TLE2: variants seen among roughly 807,000 people sequenced by gnomAD.
TLE2 encodes transducin-like enhancer protein 2.
In TLE2, 74 loss-of-function variants were observed where a neutral mutation model predicts 97.2. The ratio of observed to expected loss-of-function variants is 0.76; its 90% CI spans 0.63 to 0.92. The LOEUF (loss-of-function observed/expected upper bound fraction) is 0.92, where lower values mean the gene tolerates loss of function less well. TLE2 is among the 40% of genes least tolerant of loss of function. The pLI is 0.00. For synonymous variants in TLE2, 499 were observed against 432.1 expected, an observed-to-expected ratio of 1.15 and a Z score of -1.92; for missense variants, 1,038 against 1,008.7, an observed-to-expected ratio of 1.03 and a Z score of -0.39.
chr19:3,019,664 C>A lies in TLE2; in HGVS notation c.369+35G>T, dbSNP rs1030693125. On this transcript the variant is annotated intron_variant, in intron 6 of 19. Transcript: ENST00000262953. This position sits in a 1 kb window ranked among gnomAD's most constrained non-coding sequence, Gnocchi z 5.1. ...GTGCCAGGGACCTGGGAGTGGGCGTCTCCCCATGGCGGGGCAGGGGCTAGA... is the reference window on the plus strand; with the variant it reads ...GTGCCAGGGACCTGGGAGTGGGCGTATCCCCATGGCGGGGCAGGGGCTAGA... 4 of 1,598,208 alleles carry A rather than the reference C, an allele frequency of 2.5e-6. No individual in the cohort carries two copies. The highest frequency in any genetic ancestry group is 8.5e-7 in the Non-Finnish European group (1 of 1,172,592).
chr19:3,019,828 C>T lies in TLE2; in HGVS notation c.295-55G>A, dbSNP rs1172336162. On this transcript the variant is annotated intron_variant, in intron 5 of 19. Transcript: ENST00000262953. The surrounding 1 kb of genome is among the most constrained non-coding windows in gnomAD (Gnocchi z 5.1). ...TACATTGAGCCCCTGCTCATGCTAG[C>T]GGTGCCCTTGGGGACCTGACCTCTC... 7.0e-6 allele frequency: 11 copies of T among 1,572,368 alleles called. No individual in the cohort carries two copies. The East Asian group carries it at 1.2e-4, about 17-fold the overall frequency.
chr19:3,035,330 G>A (rs764008642), intron 1 of TLE2, among the ~76,000 whole-genome samples: 1 of 152,124 alleles, frequency 6.6e-6, no homozygotes, highest in Non-Finnish European at 1.5e-5. Flanking sequence ...GTGTTCCAAC[G>A]TGGGTAGAGT....
At chr19:3,021,535 A>G (rs1384094733) in intron 5 of TLE2, among the ~76,000 whole-genome samples, 2 of 152,230 alleles carry the variant, frequency 1.3e-5, no homozygotes, top group Admixed American at 6.5e-5. Context: ...ATTTTATTAA[A>G]TTTAAGTGAA....
intron 14 of TLE2, among the ~76,000 whole-genome samples, 154 bp from the exon 15 acceptor site, chr19:3,006,823 C>A (rs1235264801): frequency 1.3e-5 from 2 of 152,014 alleles, no homozygotes; most frequent in African/African-American, 4.8e-5. Flanking sequence ...CGCCGTGTCG[C>A]CCAGGCTGGA....
At chr19:3,002,299 C>T in intron 18 of TLE2, 54 bp downstream of exon 18, 2 of 1,555,556 alleles carry the variant, frequency 1.3e-6, no homozygotes, top group Non-Finnish European at 1.7e-6. Context: ...TGAATAGGCA[C>T]CCTGGGTTTT....
intron 1 of TLE2, among the ~76,000 whole-genome samples, chr19:3,042,623 C>T (rs1307737139): frequency 1.3e-5 from 2 of 151,324 alleles, no homozygotes; most frequent in Middle Eastern, 3.4e-3. Flanking sequence ...CAGAGACCCC[C>T]GAGACAGAGG....
chr19:3,018,578 C>A (rs1466331568), intron 7 of TLE2, among the ~76,000 whole-genome samples: 1 of 151,800 alleles, frequency 6.6e-6, no homozygotes, highest in African/African-American at 2.4e-5. Flanking sequence ...CAGGCGTGAA[C>A]CACCGTGCCT....
At chr19:3,000,824 CTTTTTT>C (rs4061734) in intron 18 of TLE2, 101 bp from the exon 19 acceptor site, 15 of 505,332 alleles carry the variant, frequency 3.0e-5, no homozygotes, top group Middle Eastern at 5.3e-4. Context: ...TGGCCTCTCC[CTTTTTT>C]TTTTTTTTTT....
chr19:3,032,092 A>G (rs2090029454), upstream of TLE2, among the ~76,000 whole-genome samples: 1 of 151,154 alleles, frequency 6.6e-6, no homozygotes, highest in Admixed American at 6.6e-5. This position sits in a 1 kb window ranked among gnomAD's most constrained non-coding sequence, Gnocchi z 4.1. Flanking sequence ...CGCCATGCCC[A>G]GCTAATTTTT....
chr19:3,018,345 T>A (rs1476998292), intron 7 of TLE2, among the ~76,000 whole-genome samples: 1 of 152,090 alleles, frequency 6.6e-6, no homozygotes, highest in Non-Finnish European at 1.5e-5. Context: ...TCTCACTCTG[T>A]CGCCCAGGCT....
At chr19:3,018,344 G>A (rs1170004379) in intron 7 of TLE2, among the ~76,000 whole-genome samples, 1 of 151,874 alleles carries the variant, frequency 6.6e-6, no homozygotes, top group Non-Finnish European at 1.5e-5. Context: ...GTCTCACTCT[G>A]TCGCCCAGGC....
At chr19:3,025,345 C>A in intron 4 of TLE2, 4 of 1,247,722 alleles carry the variant, frequency 3.2e-6, no homozygotes, top group Non-Finnish European at 3.0e-6. Flanking sequence ...ACAGATACAC[C>A]ACCCGCCAGA....
At chr19:3,028,610 A>G (rs966001230) in intron 2 of TLE2, 96 bp downstream of exon 2, 1 of 1,426,636 alleles carries the variant, frequency 7.0e-7, no homozygotes, top group African/African-American at 1.4e-5. Context: ...CCCCCCTCCA[A>G]CCGGGAGCCC....
At chr19:3,023,283 G>A (rs553938482) in intron 5 of TLE2, among the ~76,000 whole-genome samples, 47 of 152,218 alleles carry the variant, frequency 3.1e-4, no homozygotes, top group Admixed American at 1.2e-3. Context: ...TGACCCGCAC[G>A]CCTTGGCCTC....
Position 3,013,664 on chromosome 19 carries a change from C to T in TLE2, c.873+5G>A. Reference sequence around the variant, plus strand: ...TGAGTTTCAAGGCCCTCCCCTCCTCCTTACCAGGATGAGCTCCTTGGCTCT... The same window carrying T: ...TGAGTTTCAAGGCCCTCCCCTCCTCTTTACCAGGATGAGCTCCTTGGCTCT... On this transcript the variant is annotated splice_donor_5th_base_variant and intron_variant, in intron 11 of 19. Coordinates refer to ENST00000262953, the MANE Select transcript of TLE2 (RefSeq NM_003260.5). 2.9e-6 allele frequency: 4 copies of T among 1,374,478 alleles called. No homozygotes were observed. The South Asian group carries it at 8.3e-5, about 29-fold the overall frequency. 85.1% of individuals were successfully genotyped at this position (1,374,478 alleles called of 1,614,324 possible).
rs1164517491 is a variant in TLE2, at chr19:3,019,981, G to A, written c.295-208C>T. On this transcript the variant is annotated intron_variant, in intron 5 of 19. Coordinates refer to ENST00000262953, the MANE Select transcript of TLE2 (RefSeq NM_003260.5). This position sits in a 1 kb window ranked among gnomAD's most constrained non-coding sequence, Gnocchi z 5.1. ...GAGAAAGAAACCAAACCTAAGTGCA[G>A]GTAGAATAGTTACAAATCAGGCCGG... 1 of 683,056 alleles carries A rather than the reference G, an allele frequency of 1.5e-6. No homozygotes were observed. The highest frequency in any genetic ancestry group is 2.8e-5 in the East Asian group (1 of 35,714). 42.3% of individuals were successfully genotyped at this position (683,056 alleles called of 1,614,324 possible). A position where few individuals can be genotyped will look rare whatever the true frequency, so the allele number is the denominator to read the frequency against.
At chr19:3,029,377 G>T (rs1289828328), upstream of TLE2, among the ~76,000 whole-genome samples, 3 of 138,962 alleles carry the variant, frequency 2.2e-5, no homozygotes, top group East Asian at 6.6e-4. Context: ...CCCTCCCCGC[G>T]CCCGCGCCCC....
At chr19:3,035,885 G>A (rs2090058721) in intron 1 of TLE2, among the ~76,000 whole-genome samples, 2 of 117,508 alleles carry the variant, frequency 1.7e-5, no homozygotes, top group African/African-American at 6.2e-5. Flanking sequence ...GATTGGAGGA[G>A]GGGGGGCTAA....
chr19:3,015,153 G>C (rs1181229225), intron 9 of TLE2, among the ~76,000 whole-genome samples: 1 of 151,464 alleles, frequency 6.6e-6, no homozygotes, highest in African/African-American at 2.4e-5. Context: ...GCCAGTCTCC[G>C]GGGATCAAGT....
Sources: allele counts gnomAD v4.1 joint callset (sites outside exome capture counted in the v4.1 genomes callset), GRCh38; gene constraint gnomAD v4.1.1; non-coding constraint Gnocchi (gnomAD v3.1); transcripts MANE v1.5; gene names NCBI Gene and HGNC (gene_info 2026-07-23, HGNC 2026-07-21).